Variants in SYTL3 observed in about 807,000 individuals in gnomAD.
SYTL3 encodes the protein synaptotagmin-like protein 3.
A neutral mutation model predicts 82.1 loss-of-function variants in SYTL3; 88 were observed. That is an observed-to-expected ratio of 1.07 (90% CI 0.90 to 1.28). The LOEUF (loss-of-function observed/expected upper bound fraction) is 1.28, where lower values mean the gene tolerates loss of function less well. SYTL3 is among the 50% of genes most tolerant of loss of function. SYTL3 has a pLI of 0.00. For missense variants in SYTL3, 831 were observed against 757.6 expected, an observed-to-expected ratio of 1.10 and a Z score of -1.14; for synonymous variants, 311 against 289.4, an observed-to-expected ratio of 1.07 and a Z score of -0.76.
chr6:158,763,442 A>T lies in SYTL3; in HGVS notation c.1656A>T (p.Leu552Phe). The part of the protein sequence containing the change: ...PAQLRQSSLE[L>F]TVWDQALFGM... ...AGCTGAGGCAGTCAAGCTTGGAGTT[A>T]ACTGTCTGGGATCAGGCCCTCTTTG... Residue 552 changes from leucine to phenylalanine, a missense_variant, in exon 17 of 18, where the codon TTA becomes TTT. Coordinates refer to ENST00000611299, the MANE Select transcript of SYTL3 (RefSeq NM_001242394.2). 9 of 1,614,232 alleles carry T rather than the reference A, an allele frequency of 5.6e-6. No individual in the cohort carries two copies. Among genetic ancestry groups the T allele is most frequent in the Non-Finnish European group, 7.6e-6 (9 of 1,180,026 alleles).
At chr6:158,753,077 CTT>C (rs34396644) in intron 13 of SYTL3, among the ~76,000 whole-genome samples, 1,295 of 99,134 alleles carry the variant, frequency 0.013, 18 homozygotes, top group African/African-American at 0.051. Flanking sequence ...TTCTTCTTTT[CTT>C]TTTTTTTTTT....
At chr6:158,658,611 G>A (rs1788984905) in intron 2 of SYTL3, among the ~76,000 whole-genome samples, 1 of 152,074 alleles carries the variant, frequency 6.6e-6, no homozygotes, top group African/African-American at 2.4e-5. Flanking sequence ...TCTTTGGAGT[G>A]GACCTTCCAA....
intron 12 of SYTL3, among the ~76,000 whole-genome samples, chr6:158,749,734 C>T (rs368396639): frequency 1.3e-4 from 20 of 152,174 alleles, no homozygotes; most frequent in African/African-American, 3.4e-4. Context: ...GCAATCCTTC[C>T]GCCTTGGCCT....
intron 10 of SYTL3, among the ~76,000 whole-genome samples, chr6:158,723,788 C>G (rs1784399885): frequency 6.6e-6 from 1 of 152,202 alleles, no homozygotes; most frequent in South Asian, 2.1e-4. Flanking sequence ...TGAACCCCTC[C>G]CATTGGATCT....
At chr6:158,743,359 T>C (rs1202213274) in intron 11 of SYTL3, among the ~76,000 whole-genome samples, 1 of 152,174 alleles carries the variant, frequency 6.6e-6, no homozygotes, top group Non-Finnish European at 1.5e-5. Context: ...TTGAAATAGT[T>C]TAGTTGTTTA....
rs559134419 is a variant in SYTL3 at position 158,696,310 on chromosome 6, G to A, written c.395-10920G>A. Among the ~76,000 whole-genome samples the A allele has an allele frequency of 9.3e-5, 14 of 151,270 alleles. No individual in the cohort carries two copies. In the South Asian group the frequency reaches 1.9e-3, roughly 20 times the overall value. On this transcript the variant is annotated intron_variant, in intron 6 of 17. Transcript: ENST00000611299. ...TGCCTCCAGGGTTCAAGCGATTCCC[G>A]TGTCTCAGCCTCCCGAGTAGCTGGG... is the stretch of plus-strand genomic sequence containing the variant.
intron 3 of SYTL3, 36 bp downstream of exon 3, chr6:158,661,421 C>T (rs1268533317): frequency 1.3e-5 from 2 of 152,228 alleles, no homozygotes; most frequent in South Asian, 2.1e-4. Flanking sequence ...TTGTGATTTT[C>T]CCTTCATCTA....
intron 5 of SYTL3, among the ~76,000 whole-genome samples, chr6:158,681,383 G>A (rs1197343078): frequency 6.6e-6 from 1 of 152,120 alleles, no homozygotes; most frequent in Non-Finnish European, 1.5e-5. Context: ...TCCTGCCGTA[G>A]GGAGCTGCTG....
chr6:158,710,401 T>C (rs1021825609), intron 8 of SYTL3, among the ~76,000 whole-genome samples: 1 of 152,154 alleles, frequency 6.6e-6, no homozygotes, highest in Non-Finnish European at 1.5e-5. Context: ...TTTTATCTTT[T>C]GCAAATACAG....
In SYTL3 at chr6:158,715,767, C is replaced by T. The variant is rs145689163; in HGVS notation, c.595+1889C>T. ...CCCCTGTTTCTGCAGGAACAGGACA[C>T]GTGACCACACACACGCCCTTCTCCC... On this transcript the variant is annotated intron_variant, in intron 9 of 17. Coordinates refer to ENST00000611299, the MANE Select transcript of SYTL3 (RefSeq NM_001242394.2). Among the ~76,000 whole-genome samples the T allele has an allele frequency of 6.2e-3, 945 of 151,960 alleles. 7 individuals are homozygous for T. Among genetic ancestry groups the T allele is most frequent in the African/African-American group, 0.022 (902 of 41,428 alleles).
At chr6:158,688,810 CTTT>C (rs1008545013) in intron 6 of SYTL3, among the ~76,000 whole-genome samples, 1 of 152,008 alleles carries the variant, frequency 6.6e-6, no homozygotes, top group African/African-American at 2.4e-5. Flanking sequence ...TATACATAGA[CTTT>C]TTTGAAGTAT....
chr6:158,655,762 C>T (rs905065765), intron 2 of SYTL3, among the ~76,000 whole-genome samples: 1 of 152,210 alleles, frequency 6.6e-6, no homozygotes, highest in East Asian at 1.9e-4. Flanking sequence ...CACCTGTCTA[C>T]TTCGTAGATG....
intron 14 of SYTL3, among the ~76,000 whole-genome samples, chr6:158,759,217 G>A (rs975920046): frequency 6.6e-6 from 1 of 152,174 alleles, no homozygotes. Flanking sequence ...CAGAGCTGCA[G>A]GTGGCACAGA....
At position 158,665,476 on chromosome 6, in the gene SYTL3, G is replaced by C. The variant is rs145322949; in HGVS notation, c.192G>C (p.Ala64=). 1 of 1,607,398 alleles carries C rather than the reference G, an allele frequency of 6.2e-7. No homozygotes were observed. Among genetic ancestry groups the C allele is most frequent in the Admixed American group, 1.7e-5 (1 of 58,994 alleles). ...TDWEHKEKCC[A]RCQQVLGFLL... ...GGGAGCACAAAGAGAAGTGCTGTGC[G>C]CGCTGCCAGCAGGTGCTGGGGTTCC... Residue 64 remains alanine, a synonymous_variant, in exon 5 of 18, where the codon GCG becomes GCC. Transcript: ENST00000611299.
At chr6:158,704,574 G>A (rs892103888) in intron 6 of SYTL3, among the ~76,000 whole-genome samples, 8 of 152,256 alleles carry the variant, frequency 5.3e-5, no homozygotes, top group Non-Finnish European at 7.3e-5. Flanking sequence ...CGGCCTCACC[G>A]GGTAGGCAGG....
intron 14 of SYTL3, 68 bp from the exon 15 acceptor site, chr6:158,760,572 C>A: frequency 1.4e-6 from 2 of 1,402,744 alleles, no homozygotes; most frequent in Non-Finnish European, 2.0e-6. Flanking sequence ...GCTGAGACAA[C>A]CAGAGGAACC....
At chr6:158,707,398 CTT>C (rs59396937) in intron 7 of SYTL3, 117 bp downstream of exon 7, 7,270 of 537,108 alleles carry the variant, frequency 0.014, no homozygotes, top group Non-Finnish European at 0.015. Context: ...GAATGTGACT[CTT>C]TTTTTTTTTT....
intron 6 of SYTL3, among the ~76,000 whole-genome samples, chr6:158,689,815 A>G (rs1427971789): frequency 1.3e-5 from 2 of 151,956 alleles, no homozygotes; most frequent in African/African-American, 4.8e-5. Context: ...CACCATGCTC[A>G]GCTGATTTTT....
intron 2 of SYTL3, among the ~76,000 whole-genome samples, chr6:158,654,806 A>G (rs1002224804): frequency 2.0e-5 from 3 of 152,150 alleles, no homozygotes; most frequent in Admixed American, 2.0e-4. Context: ...CAGAGACAGG[A>G]TGGCTGAGTG....
Sources: allele counts gnomAD v4.1 joint callset (sites outside exome capture counted in the v4.1 genomes callset), GRCh38; gene constraint gnomAD v4.1.1; transcripts MANE v1.5; gene names NCBI Gene and HGNC (gene_info 2026-07-23, HGNC 2026-07-21).